Variants in UBE2G1 observed in about 807,000 individuals in gnomAD.
UBE2G1 encodes ubiquitin conjugating enzyme E2 G1.
In UBE2G1, 5 loss-of-function variants were observed where a neutral mutation model predicts 22.7. The ratio of observed to expected loss-of-function variants is 0.22; its 90% confidence interval spans 0.12 to 0.46. The LOEUF is 0.46. Ranked by LOEUF, UBE2G1 falls within the 20% of genes least tolerant of loss-of-function variation. The probability of loss-of-function intolerance (pLI) is 0.99; values close to 1 mark genes in which losing one functional copy is unlikely to be tolerated. For missense variants in UBE2G1, 88 were observed against 203.9 expected (o/e 0.43, Z 3.46); for synonymous variants, 74 against 67.5 (o/e 1.10, Z -0.47).
intron 1 of UBE2G1, among the ~76,000 whole-genome samples, chr17:4,313,656 C>G (rs1477927179): frequency 1.3e-5 from 2 of 152,050 alleles, no homozygotes; most frequent in Non-Finnish European, 2.9e-5. Context: ...TCTTTTGGAG[C>G]AGGAAGTGAG....
At chr17:4,349,184 G>A (rs980827332) in intron 1 of UBE2G1, among the ~76,000 whole-genome samples, 3 of 152,064 alleles carry the variant, frequency 2.0e-5, no homozygotes, top group Non-Finnish European at 4.4e-5. Flanking sequence ...GCCAGATGTC[G>A]TGGCGCATGC....
At chr17:4,275,613 A>T (rs1453273434) in intron 5 of UBE2G1, among the ~76,000 whole-genome samples, 1 of 152,208 alleles carries the variant, frequency 6.6e-6, no homozygotes, top group Non-Finnish European at 1.5e-5. Context: ...GATCTAAAAA[A>T]ATATAAAACA....
chr17:4,362,850 T>A (rs552876399), intron 1 of UBE2G1, among the ~76,000 whole-genome samples: 2 of 152,088 alleles, frequency 1.3e-5, no homozygotes, highest in African/African-American at 2.4e-5. Flanking sequence ...TGAAAGGTGG[T>A]GGTGGCTCAC....
chr17:4,321,579 G>A (rs868416192), intron 1 of UBE2G1, among the ~76,000 whole-genome samples: 1 of 152,022 alleles, frequency 6.6e-6, no homozygotes, highest in Non-Finnish European at 1.5e-5. Context: ...TGCAACCTCC[G>A]CCTCCTGGGC....
intron 1 of UBE2G1, among the ~76,000 whole-genome samples, chr17:4,359,868 C>CAA (rs1185201151): frequency 6.0e-5 from 3 of 50,318 alleles, no homozygotes; most frequent in Non-Finnish European, 1.1e-4. Flanking sequence ...AAAAAAAAAA[C>CAA]AAACAAAAAA....
chr17:4,348,352 G>C (rs2143811433), intron 1 of UBE2G1, among the ~76,000 whole-genome samples: 1 of 151,124 alleles, frequency 6.6e-6, no homozygotes, highest in African/African-American at 2.4e-5. Flanking sequence ...AGGAGATCGA[G>C]ACCATCCCGG....
chr17:4,291,428 A>G (rs1473843646), intron 3 of UBE2G1, among the ~76,000 whole-genome samples: 1 of 151,688 alleles, frequency 6.6e-6, no homozygotes, highest in Admixed American at 6.6e-5. Context: ...AAAATTTCAT[A>G]GAGTATTACT....
intron 2 of UBE2G1, chr17:4,302,647 C>A: frequency 6.2e-6 from 2 of 323,958 alleles, no homozygotes; most frequent in South Asian, 3.2e-5. Flanking sequence ...AGGGTGAGAA[C>A]CTAAATTATT....
chr17:4,276,107 C>CA (rs1313944867), intron 5 of UBE2G1, among the ~76,000 whole-genome samples: 1 of 152,188 alleles, frequency 6.6e-6, no homozygotes, highest in Non-Finnish European at 1.5e-5. Context: ...TGGAGACTTG[C>CA]AATGTCACCA....
rs541587228 is a variant in UBE2G1 at position 4,366,440 on chromosome 17, G to A, written c.-124C>T. On this transcript the variant is annotated 5_prime_UTR_variant, in exon 1 of 6. Coordinates refer to ENST00000396981, the MANE Select transcript of UBE2G1 (RefSeq NM_003342.5). ...CCGCGACCGGAGCGCCGGAGCCGAG[G>A]AAGGCCGGGCTGAGGCGGCGGGAGC... 410 of 1,030,198 alleles carry A rather than the reference G, an allele frequency of 4.0e-4. 3 individuals carry two copies. The African/African-American group carries it at 6.2e-3, about 16-fold the overall frequency. The allele number at this position is 1,030,198 out of a possible 1,614,324, so 63.8% of individuals were successfully genotyped here.
At chr17:4,316,938 T>A (rs77967472) in intron 1 of UBE2G1, among the ~76,000 whole-genome samples, 226 of 134,256 alleles carry the variant, frequency 1.7e-3, no homozygotes, top group African/African-American at 2.8e-3. Flanking sequence ...GTCTCTTGAA[T>A]AAAAAAAAAA....
chr17:4,322,902 A>C (rs1969458686), intron 1 of UBE2G1, among the ~76,000 whole-genome samples: 1 of 152,220 alleles, frequency 6.6e-6, no homozygotes, highest in Non-Finnish European at 1.5e-5. Context: ...TGTGCATTTC[A>C]TATCTCCGAA....
chr17:4,353,583 G>A (rs1008228341), intron 1 of UBE2G1, among the ~76,000 whole-genome samples: 14 of 150,672 alleles, frequency 9.3e-5, no homozygotes, highest in Non-Finnish European at 1.8e-4. Context: ...TGCAACCTCG[G>A]TTCAAGAGGT....
chr17:4,293,134 A>G (rs745910958), intron 3 of UBE2G1, among the ~76,000 whole-genome samples: 2 of 152,030 alleles, frequency 1.3e-5, no homozygotes, highest in Non-Finnish European at 2.9e-5. Flanking sequence ...ACCATTCCTC[A>G]ATCCCCCCCA....
intron 1 of UBE2G1, among the ~76,000 whole-genome samples, chr17:4,343,016 C>G (rs1969728884): frequency 6.6e-6 from 1 of 152,128 alleles, no homozygotes; most frequent in African/African-American, 2.4e-5. Context: ...TATTTTCTCT[C>G]CAGGGCACTT....
At chr17:4,295,185 A>C (rs1969094899) in intron 3 of UBE2G1, among the ~76,000 whole-genome samples, 1 of 152,242 alleles carries the variant, frequency 6.6e-6, no homozygotes, top group Admixed American at 6.5e-5. Flanking sequence ...TCGAAAGCCT[A>C]GGAAGAGATA....
intron 1 of UBE2G1, among the ~76,000 whole-genome samples, chr17:4,348,677 C>T (rs1211093954): frequency 6.6e-6 from 1 of 151,536 alleles, no homozygotes. Context: ...GCCTGGCCAA[C>T]ATGGTGACAC....
intron 1 of UBE2G1, among the ~76,000 whole-genome samples, chr17:4,310,547 G>C (rs893742182): frequency 1.3e-5 from 2 of 152,190 alleles, no homozygotes; most frequent in Non-Finnish European, 2.9e-5. Context: ...GGGGGCAGGG[G>C]AGCAGCTGAA....
chr17:4,311,228 G>A (rs1969306723), intron 1 of UBE2G1, among the ~76,000 whole-genome samples: 1 of 151,978 alleles, frequency 6.6e-6, no homozygotes, highest in South Asian at 2.1e-4. Context: ...CCTTGTCTCA[G>A]TTTAAAAAAT....
Sources: gnomAD v4.1 joint callset for allele counts (sites outside exome capture counted in the v4.1 genomes callset) on GRCh38, gnomAD v4.1.1 for gene constraint, MANE v1.5 for transcripts, NCBI Gene and HGNC (gene_info 2026-07-23, HGNC 2026-07-21) for gene names.